TMEM242: variants seen among roughly 807,000 people sequenced by gnomAD.
TMEM242 encodes transmembrane protein 242.
Under a neutral mutation model 18.2 loss-of-function variants are expected in TMEM242, and 10 were observed. The ratio of observed to expected loss-of-function variants is 0.55; its 90% confidence interval spans 0.34 to 0.93. The LOEUF is 0.93. Ranked by LOEUF, TMEM242 falls within the 40% of genes least tolerant of loss-of-function variation. The probability of loss-of-function intolerance (pLI) is 0.02; values close to 1 mark genes in which losing one functional copy is unlikely to be tolerated. For missense variants in TMEM242, 186 were observed against 175.5 expected, an observed-to-expected ratio of 1.06 and a Z score of -0.34; for synonymous variants, 57 against 69.9, an observed-to-expected ratio of 0.81 and a Z score of 0.92.
chr6:157,311,528 C>CTA (rs1562383205), intron 3 of TMEM242, among the ~76,000 whole-genome samples: 42 of 73,260 alleles, frequency 5.7e-4, no homozygotes, highest in Non-Finnish European at 8.1e-4. Context: ...GTGCACTCAA[C>CTA]CGGCCTCATC....
chr6:157,297,837 A>G (rs1463605181), intron 3 of TMEM242, among the ~76,000 whole-genome samples: 1 of 152,242 alleles, frequency 6.6e-6, no homozygotes, highest in Non-Finnish European at 1.5e-5. Flanking sequence ...TGCATTAGGA[A>G]AGCGAATGTG....
rs781821747 is a variant in TMEM242 at position 157,301,942 on chromosome 6, GA to G, written c.328-8944del. Among the ~76,000 whole-genome samples, 3 of 151,926 alleles carry G rather than the reference GA, an allele frequency of 2.0e-5. No homozygotes were observed. The South Asian group carries it at 6.2e-4, about 32-fold the overall frequency. On this transcript the variant is annotated intron_variant, in intron 3 of 3. Transcript: ENST00000400788. Reference sequence around the variant, plus strand: ...GCAAGACTCCGTCTCAACAAAAGAAGAAAAAAGGCAGTCCAGGAGGAGAGGA... The same window carrying G: ...GCAAGACTCCGTCTCAACAAAAGAAGAAAAAGGCAGTCCAGGAGGAGAGGA...
chr6:157,313,372 G>A (rs375151180), intron 3 of TMEM242, among the ~76,000 whole-genome samples: 4 of 5,152 alleles, frequency 7.8e-4, no homozygotes, highest in African/African-American at 9.4e-4. Flanking sequence ...CCTCATCATA[G>A]TGCCTCAGTG....
intron 3 of TMEM242, among the ~76,000 whole-genome samples, chr6:157,313,165 A>T (rs1289966041): frequency 2.0e-5 from 3 of 149,276 alleles, no homozygotes; most frequent in Non-Finnish European, 1.5e-5. Flanking sequence ...TGGCCTCATC[A>T]TAGTGTCCCA....
At chr6:157,313,113 TGC>T (rs1778245067) in intron 3 of TMEM242, among the ~76,000 whole-genome samples, 26 of 6,144 alleles carry the variant, frequency 4.2e-3, no homozygotes, top group African/African-American at 0.016. Context: ...TCCCAGTGTG[TGC>T]TCACCCGGCC....
Position 157,313,329 on chromosome 6 carries a change from CTCA to C in TMEM242, c.327+5450_327+5452del, listed in dbSNP as rs1554249702. ...GTGTCCCAGTGTGCGCTCACCTGGC[CTCA>C]TCATAGTGCCCCAGTGTGCGCTCAC... On this transcript the variant is annotated intron_variant, in intron 3 of 3. Coordinates refer to ENST00000400788, the MANE Select transcript of TMEM242 (RefSeq NM_018452.6). Among the ~76,000 whole-genome samples, 1,334 of 149,194 alleles carry C rather than the reference CTCA, an allele frequency of 8.9e-3. 1 individual carries two copies. Among genetic ancestry groups the C allele is most frequent in the Admixed American group, 0.013 (188 of 14,644 alleles).
At chr6:157,304,782 G>C (rs1777887708) in intron 3 of TMEM242, among the ~76,000 whole-genome samples, 1 of 152,204 alleles carries the variant, frequency 6.6e-6, no homozygotes, top group Non-Finnish European at 1.5e-5. Context: ...AAGACATCTG[G>C]AGAAGCTGCT....
intron 3 of TMEM242, chr6:157,298,975 C>G (rs1554247325): frequency 5.7e-6 from 1 of 175,566 alleles, no homozygotes; most frequent in Non-Finnish European, 1.3e-5. Flanking sequence ...TAAGTTTATT[C>G]AAAATTTTGA....
chr6:157,320,999 TTTTTTTTTTTTTC>T (rs1278813654), intron 2 of TMEM242, among the ~76,000 whole-genome samples: 5 of 62,136 alleles, frequency 8.0e-5, no homozygotes, highest in South Asian at 1.6e-3. Flanking sequence ...TTCCCATTTC[TTTTTTTTTTTTTC>T]TTTTTTTTTT....
chr6:157,313,104 C>A (rs1554249617), intron 3 of TMEM242, among the ~76,000 whole-genome samples: 11 of 140,690 alleles, frequency 7.8e-5, no homozygotes, highest in South Asian at 2.3e-4. Flanking sequence ...ATCAAAGTGT[C>A]CCAGTGTGTG....
chr6:157,299,535 T>A (rs1335619975), intron 3 of TMEM242: 8 of 1,484,354 alleles, frequency 5.4e-6, no homozygotes, highest in Admixed American at 3.4e-5. Context: ...CCGCTTCCAA[T>A]AACACGGTTT....
chr6:157,323,506 G>A lies in TMEM242; in HGVS notation c.-7C>T, dbSNP rs1554250889. 1 of 1,613,162 alleles carries A rather than the reference G, an allele frequency of 6.2e-7. No homozygotes were observed. Among genetic ancestry groups the A allele is most frequent in the East Asian group, 2.2e-5 (1 of 44,864 alleles). On this transcript the variant is annotated 5_prime_UTR_variant, in exon 1 of 4. Transcript: ENST00000400788. ...CAGCGCCCGCTGTCTCCATGTTTAG[G>A]TCGCCTCTAGTGCGTCCGTCCCCAA...
At chr6:157,299,107 C>T (rs1345688741) in intron 3 of TMEM242, 13 of 94,052 alleles carry the variant, frequency 1.4e-4, no homozygotes, top group Non-Finnish European at 1.9e-4. Flanking sequence ...AGGGGGGCCT[C>T]CTCTTCAGGG....
At chr6:157,313,902 T>C (rs797029429) in intron 3 of TMEM242, among the ~76,000 whole-genome samples, 55 of 63,698 alleles carry the variant, frequency 8.6e-4, no homozygotes, top group African/African-American at 1.2e-3. Context: ...TGCGCTCACC[T>C]GGCCTCATCA....
intron 3 of TMEM242, among the ~76,000 whole-genome samples, chr6:157,311,262 T>A (rs1778069564): frequency 6.6e-6 from 1 of 151,474 alleles, no homozygotes; most frequent in Non-Finnish European, 1.5e-5. Flanking sequence ...TCACCTAGCC[T>A]CATCATAGTG....
chr6:157,306,017 G>A (rs1184600995), intron 3 of TMEM242, among the ~76,000 whole-genome samples: 1 of 152,200 alleles, frequency 6.6e-6, no homozygotes, highest in Non-Finnish European at 1.5e-5. Flanking sequence ...ACCTCTAGAG[G>A]TGGGAGAAAC....
chr6:157,311,184 TCACC>T (rs1315965383), intron 3 of TMEM242, among the ~76,000 whole-genome samples: 2 of 125,294 alleles, frequency 1.6e-5, no homozygotes, highest in Admixed American at 1.8e-4. Flanking sequence ...GAATGTGCGC[TCACC>T]CAGCCTGATC....
chr6:157,323,387 C>T (rs1554250863), intron 1 of TMEM242, 25 bp downstream of exon 1: 1 of 1,610,508 alleles, frequency 6.2e-7, no homozygotes, highest in Non-Finnish European at 8.5e-7. Context: ...CCCCGACGCC[C>T]GCACCTCACC....
intron 3 of TMEM242, among the ~76,000 whole-genome samples, chr6:157,317,702 G>T (rs1336652981): frequency 6.6e-6 from 1 of 152,146 alleles, no homozygotes; most frequent in Non-Finnish European, 1.5e-5. Context: ...TCACAAGTCA[G>T]ATTGAGCTCC....
Sources: allele counts gnomAD v4.1 joint callset (sites outside exome capture counted in the v4.1 genomes callset), GRCh38; gene constraint gnomAD v4.1.1; transcripts MANE v1.5; gene names NCBI Gene and HGNC (gene_info 2026-07-23, HGNC 2026-07-21).